BACH2: variants seen among roughly 807,000 people sequenced by gnomAD.
The protein encoded by BACH2 is transcription regulator protein BACH2.
A neutral mutation model predicts 61.8 loss-of-function variants in BACH2; 5 were observed. That is an observed-to-expected ratio of 0.08 (90% CI 0.04 to 0.17). BACH2 has a LOEUF of 0.17. BACH2 is among the 10% of genes least tolerant of loss of function. The pLI, the probability that BACH2 is intolerant of heterozygous loss-of-function variation, is 1.00. For synonymous variants in BACH2, 446 were observed against 440.1 expected, an observed-to-expected ratio of 1.01 and a Z score of -0.17; for missense variants, 824 against 1,091.1, an observed-to-expected ratio of 0.76 and a Z score of 3.45.
intron 6 of BACH2, among the ~76,000 whole-genome samples, chr6:89,996,447 G>A (rs1281652446): frequency 6.6e-6 from 1 of 152,152 alleles, no homozygotes; most frequent in Non-Finnish European, 1.5e-5. Flanking sequence ...TTGCTTACCT[G>A]GTCAAGTCTA....
At chr6:90,185,795 G>C (rs1768336220) in intron 4 of BACH2, among the ~76,000 whole-genome samples, 1 of 152,188 alleles carries the variant, frequency 6.6e-6, no homozygotes, top group Non-Finnish European at 1.5e-5. Context: ...GTCTTACACT[G>C]TAAACTCCCA....
In BACH2 at chr6:90,234,010, A is replaced by G. The variant is rs547386955; in HGVS notation, c.-275+18503T>C. Among the ~76,000 whole-genome samples the G allele has an allele frequency of 2.3e-4, 35 of 152,282 alleles. No homozygotes were observed. In the South Asian group the frequency reaches 7.0e-3, roughly 31 times the overall value. ...TTCCTGTTAGTCTGAAGAGTGCTTCATCTCTTCTAGGCTTTCACTGGCAGA... is the reference window on the plus strand; with the variant it reads ...TTCCTGTTAGTCTGAAGAGTGCTTCGTCTCTTCTAGGCTTTCACTGGCAGA... On this transcript the variant is annotated intron_variant, in intron 3 of 8. Coordinates refer to ENST00000257749, the MANE Select transcript of BACH2 (RefSeq NM_021813.4).
chr6:90,043,538 T>C (rs1779643106), intron 5 of BACH2, among the ~76,000 whole-genome samples: 1 of 143,234 alleles, frequency 7.0e-6, no homozygotes, highest in African/African-American at 2.5e-5. Context: ...CCTCCCTCAC[T>C]CCCTTTCTTT....
intron 6 of BACH2, among the ~76,000 whole-genome samples, chr6:89,991,270 C>G (rs1220639336): frequency 6.6e-6 from 1 of 152,136 alleles, no homozygotes; most frequent in Non-Finnish European, 1.5e-5. Flanking sequence ...TTTATTTTCC[C>G]CAACTTTCCT....
At chr6:90,128,090 C>G (rs1409910811) in intron 4 of BACH2, among the ~76,000 whole-genome samples, 1 of 152,162 alleles carries the variant, frequency 6.6e-6, no homozygotes, top group Non-Finnish European at 1.5e-5. Context: ...GCTCTTCTGG[C>G]TTTGCCCCTT....
intron 5 of BACH2, among the ~76,000 whole-genome samples, chr6:90,039,278 C>T (rs1779412156): frequency 1.3e-5 from 2 of 152,146 alleles, no homozygotes; most frequent in Non-Finnish European, 1.5e-5. Flanking sequence ...ATACATTCTC[C>T]TAAATGTGAA....
chr6:90,051,582 G>A (rs1167498731), intron 5 of BACH2, among the ~76,000 whole-genome samples: 1 of 152,094 alleles, frequency 6.6e-6, no homozygotes, highest in African/African-American at 2.4e-5. Context: ...ACCAAACCCT[G>A]TATTATGAAC....
intron 4 of BACH2, among the ~76,000 whole-genome samples, chr6:90,165,601 T>G (rs1259305451): frequency 1.3e-5 from 2 of 151,986 alleles, no homozygotes; most frequent in Non-Finnish European, 2.9e-5. Flanking sequence ...CATCGCCAAG[T>G]CAATCCTAAG....
At chr6:90,277,266 G>A (rs148230869) in intron 1 of BACH2, among the ~76,000 whole-genome samples, 175 of 152,224 alleles carry the variant, frequency 1.1e-3, no homozygotes, top group African/African-American at 4.0e-3. Context: ...ATAAATAGTG[G>A]TATAGTCACA....
intron 4 of BACH2, among the ~76,000 whole-genome samples, chr6:90,166,454 G>A (rs909926062): frequency 2.0e-5 from 3 of 152,186 alleles, no homozygotes; most frequent in Admixed American, 1.3e-4. Context: ...TACACTGTTC[G>A]TGGGACTATA....
chr6:90,260,866 G>A (rs1472766874), intron 2 of BACH2, among the ~76,000 whole-genome samples: 1 of 152,178 alleles, frequency 6.6e-6, no homozygotes, highest in Non-Finnish European at 1.5e-5. Flanking sequence ...TTCCAACACA[G>A]TTCCAAGAAA....
intron 8 of BACH2, among the ~76,000 whole-genome samples, chr6:89,937,265 C>T (rs183207387): frequency 2.0e-4 from 30 of 152,212 alleles, no homozygotes; most frequent in African/African-American, 7.2e-4. Flanking sequence ...TGCAGGTAGG[C>T]GTCCTATCTC....
At position 90,189,470 on chromosome 6, in the gene BACH2, C is replaced by T. The variant is rs532164663; in HGVS notation, c.-162+17099G>A. 1.6e-4 allele frequency among the ~76,000 whole-genome samples: 24 copies of T among 151,960 alleles called. No homozygotes were observed. The East Asian group carries it at 3.7e-3, about 23-fold the overall frequency. On this transcript the variant is annotated intron_variant, in intron 4 of 8. Transcript: ENST00000257749. ...AAAAATACAAAAAATTAGCCGGGCG[C>T]GGTGGCGGGCGCCCGTAGTCCCAGC...
At chr6:90,102,878 T>G (rs904751270) in intron 4 of BACH2, among the ~76,000 whole-genome samples, 12 of 146,154 alleles carry the variant, frequency 8.2e-5, no homozygotes, top group African/African-American at 3.0e-4. Context: ...GGACTTCTTA[T>G]GGGCTTTTAT....
chr6:90,184,250 A>C (rs1190737620), intron 4 of BACH2, among the ~76,000 whole-genome samples: 3 of 152,210 alleles, frequency 2.0e-5, no homozygotes, highest in African/African-American at 2.4e-5. Context: ...TTGTAGCTAG[A>C]ATAAACGCCA....
chr6:90,197,799 G>T (rs186815595), intron 4 of BACH2, among the ~76,000 whole-genome samples: 1 of 152,208 alleles, frequency 6.6e-6, no homozygotes, highest in Non-Finnish European at 1.5e-5. Flanking sequence ...AGGGGACGCA[G>T]AGAAGCAAAG....
At chr6:90,232,229 T>A (rs1198122683) in intron 3 of BACH2, among the ~76,000 whole-genome samples, 1 of 152,210 alleles carries the variant, frequency 6.6e-6, no homozygotes, top group African/African-American at 2.4e-5. Context: ...GGTCAAAACC[T>A]ACCTCTGCAG....
At chr6:90,039,836 A>G (rs1235031696) in intron 5 of BACH2, among the ~76,000 whole-genome samples, 1 of 152,214 alleles carries the variant, frequency 6.6e-6, no homozygotes, top group African/African-American at 2.4e-5. Context: ...TGACACTGAT[A>G]TATTTCATGT....
At chr6:90,138,601 CATT>C (rs947028085) in intron 4 of BACH2, among the ~76,000 whole-genome samples, 1 of 151,760 alleles carries the variant, frequency 6.6e-6, no homozygotes, top group Non-Finnish European at 1.5e-5. Flanking sequence ...AAAAAAAAAT[CATT>C]GAAAAAAATC....
Sources: allele counts gnomAD v4.1 joint callset (sites outside exome capture counted in the v4.1 genomes callset), GRCh38; gene constraint gnomAD v4.1.1; transcripts MANE v1.5; gene names NCBI Gene and HGNC (gene_info 2026-07-23, HGNC 2026-07-21).